The following CTRC variants were observed in gnomAD, a reference collection of about 807,000 sequenced individuals.
The protein encoded by CTRC is chymotrypsin-C.
In CTRC, 32 loss-of-function variants were observed where a neutral mutation model predicts 35.7. That is an observed-to-expected ratio of 0.90 (90% CI 0.68 to 1.20). The LOEUF (loss-of-function observed/expected upper bound fraction) is 1.20. Among genes scored for constraint, CTRC ranks in the 50% most tolerant of loss-of-function variants. The probability of loss-of-function intolerance (pLI) is 0.00; values close to 1 mark genes in which losing one functional copy is unlikely to be tolerated. For synonymous variants in CTRC, 119 were observed against 149.5 expected, an observed-to-expected ratio of 0.80 and a Z score of 1.49; for missense variants, 324 against 361.5, an observed-to-expected ratio of 0.90 and a Z score of 0.84.
Position 15,445,669 on chromosome 1 carries a change from G to A in CTRC, c.712G>A (p.Gly238Ser), listed in dbSNP as rs1487265683. The A allele has an allele frequency of 6.2e-7, 1 of 1,614,150 alleles. No individual in the cohort carries two copies. Among genetic ancestry groups the A allele is most frequent in the Admixed American group, 1.7e-5 (1 of 60,008 alleles). Residue 238 changes from glycine to serine, a missense_variant, in exon 7 of 8, where the codon GGC becomes AGC. By Grantham distance (56) the Gly-to-Ser change is moderately conservative. Coordinates refer to ENST00000375949, the MANE Select transcript of CTRC (RefSeq NM_007272.3). ...GGAGGTGTTTGGCATCGTCAGCTTT[G>A]GCTCCCGGCGGGGCTGCAACACCCG... ...SWEVFGIVSF[G>S]SRRGCNTRKK...
chr1:15,441,278 T>C (rs539188578), intron 3 of CTRC, among the ~76,000 whole-genome samples: 1 of 152,192 alleles, frequency 6.6e-6, no homozygotes, highest in East Asian at 1.9e-4. Flanking sequence ...AAGGGGGATA[T>C]TTGGCAAATA....
At chr1:15,438,625 G>C in intron 1 of CTRC, 121 bp downstream of exon 1, 1 of 1,133,174 alleles carries the variant, frequency 8.8e-7, no homozygotes, top group South Asian at 1.2e-5. Flanking sequence ...GGGGTCCCCT[G>C]TGGGTTCAGA....
chr1:15,442,328 A>G lies in CTRC; in HGVS notation c.231-119A>G. The G allele has an allele frequency of 3.8e-6, 5 of 1,318,134 alleles. No individual in the cohort carries two copies. The South Asian group carries it at 6.4e-5, about 17-fold the overall frequency. 81.7% of individuals were successfully genotyped at this position (1,318,134 alleles called of 1,614,324 possible). A position where few individuals can be genotyped will look rare whatever the true frequency, so the allele number is the denominator to read the frequency against. On this transcript the variant is annotated intron_variant, in intron 3 of 7. Coordinates refer to ENST00000375949, the MANE Select transcript of CTRC (RefSeq NM_007272.3). ...GCCCTTCCCCTCACCCTGGGAAAGG[A>G]CAATGGGAACACTCTCTTCCCCCAA...
In CTRC at chr1:15,445,694, G is replaced by T. The variant is rs147925927; in HGVS notation, c.737G>T (p.Arg246Leu). Residue 246 changes from arginine to leucine, a missense_variant, in exon 7 of 8, where the codon CGC becomes CTC. Coordinates refer to ENST00000375949, the MANE Select transcript of CTRC (RefSeq NM_007272.3). ...GGCTCCCGGCGGGGCTGCAACACCC[G>T]CAAGAAGCCGGTAGTCTACACCCGG... ...SFGSRRGCNT[R>L]KKPVVYTRVS... 25 of 1,613,768 alleles carry T rather than the reference G, an allele frequency of 1.5e-5. No individual in the cohort carries two copies. Among genetic ancestry groups the T allele is most frequent in the Non-Finnish European group, 5.9e-6 (7 of 1,179,808 alleles).
intron 3 of CTRC, among the ~76,000 whole-genome samples, chr1:15,441,449 G>A (rs1042466964): frequency 1.1e-4 from 17 of 152,050 alleles, no homozygotes; most frequent in Admixed American, 6.6e-4. Context: ...GAAATAACGC[G>A]GAAGCCGGTG....
chr1:15,446,660 A>T lies in CTRC; in HGVS notation c.*71A>T. 1 of 1,565,470 alleles carries T rather than the reference A, an allele frequency of 6.4e-7. No homozygotes were observed. The highest frequency in any genetic ancestry group is 8.8e-7 in the Non-Finnish European group (1 of 1,135,632). ...ACTTCCTTCTCCTCGGGCCACCTGGATCCTTGATTTGTGCAGCTTCTGTTG... is the reference window on the plus strand; with the variant it reads ...ACTTCCTTCTCCTCGGGCCACCTGGTTCCTTGATTTGTGCAGCTTCTGTTG... On this transcript the variant is annotated 3_prime_UTR_variant, in exon 8 of 8. Coordinates refer to ENST00000375949, the MANE Select transcript of CTRC (RefSeq NM_007272.3).
chr1:15,439,442 AAAAG>A (rs914698626), intron 1 of CTRC, among the ~76,000 whole-genome samples: 9 of 151,842 alleles, frequency 5.9e-5, no homozygotes, highest in Non-Finnish European at 1.2e-4. Context: ...AAAAAAAAGA[AAAAG>A]AAAGAAAAAG....
Position 15,448,082 on chromosome 1 carries a change from C to G in CTRC, c.*1493C>G, listed in dbSNP as rs1312287908. 1 of 151,832 alleles carries G rather than the reference C, an allele frequency of 6.6e-6. No individual in the cohort carries two copies. Among genetic ancestry groups the G allele is most frequent in the Non-Finnish European group, 1.5e-5 (1 of 67,992 alleles). 9.4% of individuals were successfully genotyped at this position (151,832 alleles called of 1,614,324 possible). A position where few individuals can be genotyped will look rare whatever the true frequency, so the allele number is the denominator to read the frequency against. On this transcript the variant is annotated 3_prime_UTR_variant, in exon 8 of 8. Coordinates refer to ENST00000375949, the MANE Select transcript of CTRC (RefSeq NM_007272.3). ...GGAGGTGATGATGCCCAAGCTTGGT[C>G]TTAAAATTTGACTAGAAGGTACCCA...
rs569892331 is a variant in CTRC, at chr1:15,440,155, G to A, written c.41-145G>A. On this transcript the variant is annotated intron_variant, in intron 1 of 7. Transcript: ENST00000375949. ...AAAACAAGGCCTAGAGACCTGGGTGGCTTACCCCCGTGACACAGTAAAATA... is the reference window on the plus strand; with the variant it reads ...AAAACAAGGCCTAGAGACCTGGGTGACTTACCCCCGTGACACAGTAAAATA... The A allele has an allele frequency of 2.4e-4, 176 of 737,370 alleles. 5 individuals are homozygous for A. The highest frequency in any genetic ancestry group is 4.1e-4 in the Admixed American group (20 of 49,018). The allele number at this position is 737,370 out of a possible 1,614,324, so 45.7% of individuals were successfully genotyped here. A position where few individuals can be genotyped will look rare whatever the true frequency, so the allele number is the denominator to read the frequency against.
At chr1:15,442,629 C>A in intron 4 of CTRC, 57 bp downstream of exon 4, 2 of 1,610,590 alleles carry the variant, frequency 1.2e-6, no homozygotes, top group Non-Finnish European at 1.7e-6. Context: ...AGGAGGGGTC[C>A]CCAAGACGGA....
intron 7 of CTRC, 48 bp downstream of exon 7, chr1:15,445,797 C>T (rs750274349): frequency 1.2e-6 from 2 of 1,607,028 alleles, no homozygotes; most frequent in East Asian, 2.2e-5. Flanking sequence ...GCCCCTCCCC[C>T]TCACTCACCC....
At position 15,442,688 on chromosome 1, in the gene CTRC, G is replaced by A. The variant is rs1053606957; in HGVS notation, c.356+116G>A. On this transcript the variant is annotated intron_variant, in intron 4 of 7. Transcript: ENST00000375949. ...TACCTGACACCCCATCCTCACCCTGGAAAGCCAGCAAATGACTGTCTTACA... is the reference window on the plus strand; with the variant it reads ...TACCTGACACCCCATCCTCACCCTGAAAAGCCAGCAAATGACTGTCTTACA... The A allele has an allele frequency of 1.2e-5, 18 of 1,443,326 alleles. No homozygotes were observed. The South Asian group carries it at 1.6e-4, about 13-fold the overall frequency. 89.4% of individuals were successfully genotyped at this position (1,443,326 alleles called of 1,614,324 possible). A position where few individuals can be genotyped will look rare whatever the true frequency, so the allele number is the denominator to read the frequency against.
chr1:15,440,917 C>T (rs1404199526), intron 3 of CTRC, among the ~76,000 whole-genome samples: 2 of 152,168 alleles, frequency 1.3e-5, no homozygotes, highest in Non-Finnish European at 2.9e-5. Context: ...CAGTGGCTCA[C>T]GCCTGTAATC....
chr1:15,440,545 C>G lies in CTRC; in HGVS notation c.185C>G (p.Thr62Ser), dbSNP rs774966069. ...ACGTGGAGGCATACGTGTGGCGGGA[C>G]TTTGATTGCTAGCAACTTCGTCCTC... ...NDTWRHTCGG[T>S]LIASNFVLTA... is the part of the protein sequence containing the mutation. Residue 62 changes from threonine (T) to serine (S), a missense_variant, in exon 3 of 8, where the codon ACT (threonine) becomes AGT (serine). By Grantham distance (58) the Thr-to-Ser change is moderately conservative. Coordinates refer to ENST00000375949, the MANE Select transcript of CTRC (RefSeq NM_007272.3). 7 of 1,614,162 alleles carry G rather than the reference C, an allele frequency of 4.3e-6. No homozygotes were observed. Among genetic ancestry groups the G allele is most frequent in the Admixed American group, 1.7e-5 (1 of 60,018 alleles).
chr1:15,440,285 C>G lies in CTRC; in HGVS notation c.41-15C>G. ...AGCCCTATTCACTGGTTCTTCTGGC[C>G]TCCTGTCTCCCCAGCCTCCAGCTGT... On this transcript the variant is annotated splice_polypyrimidine_tract_variant and intron_variant, in intron 1 of 7. Coordinates refer to ENST00000375949, the MANE Select transcript of CTRC (RefSeq NM_007272.3). The G allele has an allele frequency of 7.4e-7, 1 of 1,345,914 alleles. No individual in the cohort carries two copies. Among genetic ancestry groups the G allele is most frequent in the Non-Finnish European group, 9.9e-7 (1 of 1,013,860 alleles). The allele number at this position is 1,345,914 out of a possible 1,614,324, so 83.4% of individuals were successfully genotyped here.
chr1:15,445,338 C>T (rs1452563570), intron 6 of CTRC, among the ~76,000 whole-genome samples: 2 of 152,176 alleles, frequency 1.3e-5, no homozygotes, highest in Non-Finnish European at 2.9e-5. Context: ...AACTGAGGCA[C>T]GGAGAGGATT....
chr1:15,440,419 A>G (rs1442856986), intron 2 of CTRC, 28 bp downstream of exon 2: 4 of 1,612,322 alleles, frequency 2.5e-6, no homozygotes, highest in Admixed American at 1.7e-5. Flanking sequence ...TGGGAGGTAC[A>G]GATAGAGAGG....
At chr1:15,442,848 A>G (rs1278930432) in intron 4 of CTRC, among the ~76,000 whole-genome samples, 2 of 151,926 alleles carry the variant, frequency 1.3e-5, no homozygotes, top group East Asian at 3.9e-4. Context: ...ACCTTTATTG[A>G]GTTCCTACTG....
At chr1:15,444,553 G>A (rs1360107412) in intron 5 of CTRC, 53 bp from the exon 6 acceptor site, 3 of 1,611,682 alleles carry the variant, frequency 1.9e-6, no homozygotes, top group African/African-American at 2.7e-5. Context: ...CTGGGGAGGG[G>A]CTGGACTGGG....
Sources: allele counts gnomAD v4.1 joint callset (sites outside exome capture counted in the v4.1 genomes callset), GRCh38; gene constraint gnomAD v4.1.1; transcripts MANE v1.5; gene names NCBI Gene and HGNC (gene_info 2026-07-23, HGNC 2026-07-21).